Variants in SLC24A4 observed in about 807,000 individuals in gnomAD.
SLC24A4 encodes the protein sodium/potassium/calcium exchanger 4.
Under a neutral mutation model 79.0 loss-of-function variants are expected in SLC24A4, and 53 were observed. That is an observed-to-expected ratio of 0.67 (90% CI 0.54 to 0.84). SLC24A4 has a LOEUF of 0.84. Among genes scored for constraint, SLC24A4 ranks in the 40% least tolerant of loss-of-function variants. The pLI is 0.00. For missense variants in SLC24A4, 731 were observed against 822.0 expected (o/e 0.89, Z 1.35); for synonymous variants, 323 against 323.8 (o/e 1.00, Z 0.03).
intron 11 of SLC24A4, among the ~76,000 whole-genome samples, chr14:92,455,357 C>G (rs1893395681): frequency 6.6e-6 from 1 of 152,218 alleles, no homozygotes; most frequent in Non-Finnish European, 1.5e-5. Flanking sequence ...GGGAAACTAT[C>G]TGAATGCCCA....
chr14:92,348,118 C>G (rs1053445726), intron 2 of SLC24A4, among the ~76,000 whole-genome samples: 19 of 152,150 alleles, frequency 1.2e-4, no homozygotes, highest in Admixed American at 5.2e-4. Flanking sequence ...AGGACGTTCT[C>G]AGGAGGTGAG....
chr14:92,337,593 C>T (rs1441226374), intron 2 of SLC24A4, among the ~76,000 whole-genome samples: 4 of 152,322 alleles, frequency 2.6e-5, no homozygotes, highest in East Asian at 1.9e-4. Context: ...CAATCCTGCT[C>T]CTGCCCTTGC....
intron 3 of SLC24A4, among the ~76,000 whole-genome samples, chr14:92,438,794 G>T (rs1160069410): frequency 6.6e-6 from 1 of 152,104 alleles, no homozygotes; most frequent in Non-Finnish European, 1.5e-5. Context: ...CATTACATAG[G>T]CGTGACTGAT....
chr14:92,374,451 T>C (rs1049088330), intron 2 of SLC24A4, among the ~76,000 whole-genome samples: 4 of 152,174 alleles, frequency 2.6e-5, no homozygotes, highest in African/African-American at 7.2e-5. Flanking sequence ...CGGAGTAAAG[T>C]CACAAAGCTG....
chr14:92,470,529 CT>C (rs1055128670), intron 12 of SLC24A4, among the ~76,000 whole-genome samples: 4 of 151,994 alleles, frequency 2.6e-5, no homozygotes, highest in Non-Finnish European at 4.4e-5. Context: ...ATTTTCAAGA[CT>C]TTTTTTTCAC....
In SLC24A4 at chr14:92,323,701, T is replaced by G; in HGVS notation, c.-130T>G. The G allele has an allele frequency of 1.6e-6, 2 of 1,215,248 alleles. No homozygotes were observed. Among genetic ancestry groups the G allele is most frequent in the South Asian group, 1.6e-5 (1 of 62,078 alleles). 75.3% of individuals were successfully genotyped at this position (1,215,248 alleles called of 1,614,324 possible). A position where few individuals can be genotyped will look rare whatever the true frequency, so the allele number is the denominator to read the frequency against. On this transcript the variant is annotated 5_prime_UTR_variant, in exon 1 of 17. Transcript: ENST00000532405. The surrounding 1 kb of genome is among the most constrained non-coding windows in gnomAD (Gnocchi z 4.9). Reference sequence around the variant, plus strand: ...GACCTCGCCCTCGGGCCATGAGGCTTTGGCCCGGAGCTCCTCGCCTCTGAG... The same window carrying G: ...GACCTCGCCCTCGGGCCATGAGGCTGTGGCCCGGAGCTCCTCGCCTCTGAG...
At chr14:92,371,335 G>A (rs911094560) in intron 2 of SLC24A4, among the ~76,000 whole-genome samples, 24 of 152,106 alleles carry the variant, frequency 1.6e-4, no homozygotes, top group African/African-American at 5.8e-4. Context: ...AGAGCAGTGG[G>A]GATACCTACA....
intron 2 of SLC24A4, chr14:92,408,425 C>G (rs541277434): frequency 8.1e-6 from 8 of 985,384 alleles, no homozygotes; most frequent in Non-Finnish European, 9.6e-6. Flanking sequence ...TCTCCTATCT[C>G]TGCAAACATG....
At chr14:92,418,525 T>A (rs919281957) in intron 2 of SLC24A4, among the ~76,000 whole-genome samples, 4 of 152,170 alleles carry the variant, frequency 2.6e-5, no homozygotes, top group Non-Finnish European at 5.9e-5. Flanking sequence ...TAAAGAGATT[T>A]ATTTTAAAGA....
chr14:92,431,394 A>G (rs1891862035), intron 2 of SLC24A4, among the ~76,000 whole-genome samples: 1 of 152,368 alleles, frequency 6.6e-6, no homozygotes, highest in East Asian at 1.9e-4. Context: ...ATCTAAGTCC[A>G]TCGGCTGCTA....
intron 2 of SLC24A4, among the ~76,000 whole-genome samples, chr14:92,426,519 G>T (rs1046460774): frequency 6.6e-6 from 1 of 152,166 alleles, no homozygotes; most frequent in Non-Finnish European, 1.5e-5. Flanking sequence ...GAACATTCCT[G>T]TTGCTGAGTC....
chr14:92,339,622 A>G (rs1886011369), intron 2 of SLC24A4, among the ~76,000 whole-genome samples: 1 of 152,156 alleles, frequency 6.6e-6, no homozygotes. Flanking sequence ...CCCCTGGCTG[A>G]GGGAACGGTG....
intron 2 of SLC24A4, among the ~76,000 whole-genome samples, chr14:92,410,457 G>C (rs1484283309): frequency 1.3e-5 from 2 of 152,148 alleles, no homozygotes; most frequent in African/African-American, 4.8e-5. Flanking sequence ...TGGGTTTACA[G>C]GCATGAACCA....
chr14:92,476,475 TTTTAATGA>T (rs1278192225), intron 12 of SLC24A4, among the ~76,000 whole-genome samples: 1 of 152,198 alleles, frequency 6.6e-6, no homozygotes, highest in African/African-American at 2.4e-5. Flanking sequence ...GTAAAAATAC[TTTTAATGA>T]TTTAGGAAGA....
intron 2 of SLC24A4, among the ~76,000 whole-genome samples, chr14:92,376,196 C>T (rs959315653): frequency 6.6e-6 from 1 of 152,178 alleles, no homozygotes; most frequent in South Asian, 2.1e-4. Context: ...TCCTGGCAAG[C>T]TTTGTGATGC....
intron 10 of SLC24A4, chr14:92,451,522 C>T (rs1479367048): frequency 6.6e-6 from 1 of 152,258 alleles, no homozygotes; most frequent in African/African-American, 2.4e-5. Flanking sequence ...GTGGCCACCC[C>T]ACCCAAAGGA....
At position 92,385,308 on chromosome 14, in the gene SLC24A4, C is replaced by T. The variant is rs553214627; in HGVS notation, c.242-48604C>T. On this transcript the variant is annotated intron_variant, in intron 2 of 16. Transcript: ENST00000532405. ...GATCACGAGGCCAGGAGATCGATAC[C>T]ATCCTGGCCAACATGGTGAAACCCT... is the stretch of plus-strand genomic sequence containing the variant. 1.2e-3 allele frequency among the ~76,000 whole-genome samples: 175 copies of T among 152,152 alleles called. 1 individual carries two copies. Among genetic ancestry groups the T allele is most frequent in the Middle Eastern group, 0.01 (3 of 294 alleles).
intron 3 of SLC24A4, among the ~76,000 whole-genome samples, chr14:92,438,655 G>A (rs1356758059): frequency 1.4e-5 from 2 of 138,224 alleles, no homozygotes; most frequent in Non-Finnish European, 3.2e-5. Flanking sequence ...TGTGTAGGGC[G>A]AGGTATCGGG....
chr14:92,327,652 T>A (rs1051867014), intron 2 of SLC24A4, among the ~76,000 whole-genome samples: 2 of 152,232 alleles, frequency 1.3e-5, no homozygotes, highest in Non-Finnish European at 2.9e-5. Context: ...CCTCTGTGAC[T>A]TCTGTCGTAC....
Sources: allele counts gnomAD v4.1 joint callset (sites outside exome capture counted in the v4.1 genomes callset), GRCh38; gene constraint gnomAD v4.1.1; non-coding constraint Gnocchi (gnomAD v3.1); transcripts MANE v1.5; gene names NCBI Gene and HGNC (gene_info 2026-07-23, HGNC 2026-07-21).